Variants in SYNE3 observed in about 807,000 individuals in gnomAD.
SYNE3 encodes spectrin repeat containing nuclear envelope family member 3, also known as nesprin-3.
Under a neutral mutation model 111.2 loss-of-function variants are expected in SYNE3, and 100 were observed. The observed-to-expected ratio is 0.90, with a 90% CI of 0.77 to 1.06. The LOEUF is 1.06. SYNE3 is among the 50% of genes least tolerant of loss of function. The pLI is 0.00. For missense variants in SYNE3, 1,160 were observed against 1,240.3 expected (o/e 0.94, Z 0.97); for synonymous variants, 547 against 533.9 (o/e 1.02, Z -0.34).
chr14:95,457,354 A>G lies in SYNE3; in HGVS notation c.628-16T>C. Reference sequence around the variant, plus strand: ...CTACACGCTTCTGTGGGAGGAGGAGAATCACCAGCCATGAGGGTCCCCAGC... The same window carrying G: ...CTACACGCTTCTGTGGGAGGAGGAGGATCACCAGCCATGAGGGTCCCCAGC... On this transcript the variant is annotated splice_polypyrimidine_tract_variant and intron_variant, in intron 4 of 17. Transcript: ENST00000682763. The G allele has an allele frequency of 6.2e-7, 1 of 1,611,642 alleles. No individual in the cohort carries two copies. The highest frequency in any genetic ancestry group is 8.5e-7 in the Non-Finnish European group (1 of 1,178,612).
chr14:95,495,192 T>G (rs1009659687), intron 1 of SYNE3, among the ~76,000 whole-genome samples: 2 of 152,184 alleles, frequency 1.3e-5, no homozygotes, highest in Admixed American at 1.3e-4. Flanking sequence ...AAGAACTGAT[T>G]AAGCTTGCCA....
At position 95,408,316 on chromosome 14, in the gene SYNE3, C is replaced by A. The variant is rs1318049213; in HGVS notation, c.*9510G>T. 2.0e-5 allele frequency: 3 copies of A among 151,968 alleles called. No homozygotes were observed. Among genetic ancestry groups the A allele is most frequent in the Non-Finnish European group, 4.4e-5 (3 of 68,000 alleles). 9.4% of individuals were successfully genotyped at this position (151,968 alleles called of 1,614,324 possible). ...TATTGGAAACTTGCCATTTTCCCAA[C>A]ACACACACACAGAAAGAGAGAGAGA... On this transcript the variant is annotated 3_prime_UTR_variant, in exon 18 of 18. Coordinates refer to ENST00000682763, the MANE Select transcript of SYNE3 (RefSeq NM_152592.6).
chr14:95,506,984 G>A (rs1196131958), intron 1 of SYNE3, among the ~76,000 whole-genome samples: 6 of 152,228 alleles, frequency 3.9e-5, no homozygotes, highest in African/African-American at 1.4e-4. Flanking sequence ...GCCTTGCTCT[G>A]CTGGCTAAAC....
At chr14:95,427,493 C>T (rs554651196) in intron 17 of SYNE3, among the ~76,000 whole-genome samples, 1 of 152,314 alleles carries the variant, frequency 6.6e-6, no homozygotes, top group South Asian at 2.1e-4. Context: ...CTGGCTCTGC[C>T]TTCTAGATAG....
Position 95,447,271 on chromosome 14 carries a change from C to G in SYNE3, c.1450-1180G>C, listed in dbSNP as rs144081028. On this transcript the variant is annotated intron_variant, in intron 8 of 17. Transcript: ENST00000682763. ...GCCTCAGCCTCCCGAGTAGCTGGGACTACAGGCGCCCACCACCACACCCGG... is the reference window on the plus strand; with the variant it reads ...GCCTCAGCCTCCCGAGTAGCTGGGAGTACAGGCGCCCACCACCACACCCGG... Among the ~76,000 whole-genome samples, 697 of 151,818 alleles carry G rather than the reference C, an allele frequency of 4.6e-3. 5 individuals carry two copies. Among genetic ancestry groups the G allele is most frequent in the African/African-American group, 0.016 (662 of 41,388 alleles).
chr14:95,465,242 T>C (rs1342415207), intron 4 of SYNE3, among the ~76,000 whole-genome samples: 1 of 152,064 alleles, frequency 6.6e-6, no homozygotes, highest in Non-Finnish European at 1.5e-5. Context: ...GGAAGCTGTT[T>C]GGATCAAAGT....
At position 95,450,731 on chromosome 14, in the gene SYNE3, G is replaced by A. The variant is rs76086342; in HGVS notation, c.1275-626C>T. 5.5e-3 allele frequency: 840 copies of A among 152,408 alleles called. 2 individuals carry two copies. Among genetic ancestry groups the A allele is most frequent in the Non-Finnish European group, 8.1e-3 (550 of 68,158 alleles). The allele number at this position is 152,408 out of a possible 1,614,324, so 9.4% of individuals were successfully genotyped here. ...CGAGTGTTCTCTGATTCTATAGTAGGTATAAAGAGCTGGGAGTTTGGAGCC... is the reference window on the plus strand; with the variant it reads ...CGAGTGTTCTCTGATTCTATAGTAGATATAAAGAGCTGGGAGTTTGGAGCC... On this transcript the variant is annotated intron_variant, in intron 7 of 17. Transcript: ENST00000682763.
chr14:95,432,021 A>C, intron 17 of SYNE3, 58 bp downstream of exon 17: 1 of 1,589,444 alleles, frequency 6.3e-7, no homozygotes, highest in Non-Finnish European at 8.6e-7. Context: ...TCACGGGCCC[A>C]CCAACCCTCC....
chr14:95,496,608 C>T (rs1049081122), intron 1 of SYNE3, among the ~76,000 whole-genome samples: 13 of 152,126 alleles, frequency 8.5e-5, no homozygotes, highest in African/African-American at 2.9e-4. Context: ...TCTGGAATTC[C>T]CTCCTCCTCC....
chr14:95,473,089 G>A (rs1479162048), intron 2 of SYNE3, among the ~76,000 whole-genome samples: 3 of 152,290 alleles, frequency 2.0e-5, no homozygotes, highest in Middle Eastern at 3.4e-3. Flanking sequence ...ACAGGAAAAC[G>A]TTTTCTTTCT....
intron 2 of SYNE3, among the ~76,000 whole-genome samples, chr14:95,473,934 G>A (rs1401486190): frequency 6.6e-6 from 1 of 150,888 alleles, no homozygotes; most frequent in Non-Finnish European, 1.5e-5. Context: ...GACAGTGGCT[G>A]GAGCTAAGGC....
chr14:95,496,193 A>G (rs1890084928), intron 1 of SYNE3, among the ~76,000 whole-genome samples: 1 of 152,224 alleles, frequency 6.6e-6, no homozygotes, highest in African/African-American at 2.4e-5. Context: ...TCACTTAATG[A>G]CAAATCCTTC....
At chr14:95,489,295 G>A (rs1019510765) in intron 1 of SYNE3, among the ~76,000 whole-genome samples, 1 of 152,220 alleles carries the variant, frequency 6.6e-6, no homozygotes, top group Non-Finnish European at 1.5e-5. Flanking sequence ...ACAGGTCCCA[G>A]ACAGATTCCT....
rs543580436 is a variant in SYNE3, at chr14:95,512,718, C to T, written c.-15+3878G>A. 2.6e-5 allele frequency among the ~76,000 whole-genome samples: 4 copies of T among 151,650 alleles called. No homozygotes were observed. In the South Asian group the frequency reaches 8.3e-4, roughly 32 times the overall value. On this transcript the variant is annotated intron_variant, in intron 1 of 17. Transcript: ENST00000682763. ...AAAAAAATACAAAAAATTAGCCGGA[C>T]GTGGTGGTGGGCGCCTGTAGTCCCA...
intron 1 of SYNE3, among the ~76,000 whole-genome samples, chr14:95,503,984 C>G (rs1282877158): frequency 1.3e-5 from 2 of 152,188 alleles, no homozygotes; most frequent in Non-Finnish European, 2.9e-5. Context: ...AAGACTCACC[C>G]TCCACTGCAG....
intron 1 of SYNE3, among the ~76,000 whole-genome samples, chr14:95,515,897 C>G (rs758231892): frequency 2.0e-5 from 3 of 152,216 alleles, no homozygotes; most frequent in Admixed American, 6.5e-5. Context: ...CCCGGGTTGA[C>G]CAATGGGCCA....
At position 95,485,592 on chromosome 14, in the gene SYNE3, C is replaced by T. The variant is rs1349335228; in HGVS notation, c.-14-9757G>A. Among the ~76,000 whole-genome samples the T allele has an allele frequency of 3.3e-5, 5 of 152,072 alleles. No homozygotes were observed. The highest frequency in any genetic ancestry group is 1.2e-4 in the African/African-American group (5 of 41,400). On this transcript the variant is annotated intron_variant, in intron 1 of 17. Transcript: ENST00000682763. This position sits in a 1 kb window ranked among gnomAD's most constrained non-coding sequence, Gnocchi z 4.3. ...CAGCCCCTAGACCTCCCAGGAATGC[C>T]GAAATGCTCAGCGTTTTTTTCCCTC...
At chr14:95,476,056 C>T (rs1021143692) in intron 1 of SYNE3, among the ~76,000 whole-genome samples, 4 of 152,242 alleles carry the variant, frequency 2.6e-5, no homozygotes, top group African/African-American at 9.6e-5. Flanking sequence ...AGGGCTCTGG[C>T]CTGGCAAAAC....
chr14:95,510,309 C>CT lies in SYNE3; in HGVS notation c.-15+6286dup, dbSNP rs140598910. 6.9e-3 allele frequency among the ~76,000 whole-genome samples: 1,053 copies of CT among 152,250 alleles called. 5 individuals carry two copies. Among genetic ancestry groups the CT allele is most frequent in the Non-Finnish European group, 0.011 (780 of 68,024 alleles). On this transcript the variant is annotated intron_variant, in intron 1 of 17. Coordinates refer to ENST00000682763, the MANE Select transcript of SYNE3 (RefSeq NM_152592.6). ...GAGGGTAGAGAGCAAGGGCTGAGAC[C>CT]TGGGCCCAGGTCTCCACTGCCCAGG...
Sources: gnomAD v4.1 joint callset for allele counts (sites outside exome capture counted in the v4.1 genomes callset) on GRCh38, gnomAD v4.1.1 for gene constraint, Gnocchi (gnomAD v3.1) non-coding constraint, MANE v1.5 for transcripts, NCBI Gene and HGNC (gene_info 2026-07-23, HGNC 2026-07-21) for gene names.